The following RAB8B variants were observed in gnomAD, a reference collection of about 807,000 sequenced individuals.
The protein encoded by RAB8B is RAB8B, member RAS oncogene family, also known as ras-related protein Rab-8B.
RAB8B carries 11 observed loss-of-function variants against 32.0 expected under a neutral mutation model. That is an observed-to-expected ratio of 0.34 (90% CI 0.22 to 0.57). The LOEUF (loss-of-function observed/expected upper bound fraction) is 0.57. RAB8B is among the 20% of genes least tolerant of loss of function. The pLI is 0.86. For missense variants in RAB8B, 190 were observed against 258.5 expected, an observed-to-expected ratio of 0.73 and a Z score of 1.82; for synonymous variants, 103 against 89.6, an observed-to-expected ratio of 1.15 and a Z score of -0.85.
chr15:63,216,226 TAA>T lies in RAB8B; in HGVS notation c.124+26479_124+26480del, dbSNP rs1567011914. On this transcript the variant is annotated intron_variant, in intron 1 of 7. Coordinates refer to ENST00000321437, the MANE Select transcript of RAB8B (RefSeq NM_016530.3). ...TTAATTAATTAATTAATTAATTAAT[TAA>T]TTATTATTTTTTTTTTTGGAGACAG... Among the ~76,000 whole-genome samples, 48 of 126,216 alleles carry T rather than the reference TAA, an allele frequency of 3.8e-4. 2 individuals carry two copies. The highest frequency in any genetic ancestry group is 3.9e-3 in the Middle Eastern group (1 of 256). The allele number at this position is 126,216 out of a possible 152,430, so 82.8% of individuals were successfully genotyped here.
Position 63,263,540 on chromosome 15 carries a change from C to T in RAB8B, c.545C>T (p.Ser182Leu), listed in dbSNP as rs2038218916. Residue 182 changes from serine (S) to leucine (L), a missense_variant, in exon 8 of 8, where the codon TCA (serine) becomes TTA (leucine). Physicochemically the swap from Ser to Leu is moderately radical, Grantham distance 145 (BLOSUM62 -2). This residue lies in a region of RAB8B where 110 missense variants were observed against 115.9 expected (regional missense o/e 0.95). Coordinates refer to ENST00000321437, the MANE Select transcript of RAB8B (RefSeq NM_016530.3). ...KLNRKMNDSN[S>L]AGAGGPVKIT... ...TCTATTTTTTAGAATGACAGCAATT[C>T]AGCAGGAGCAGGTGGACCAGTGAAA... 1 of 1,610,944 alleles carries T rather than the reference C, an allele frequency of 6.2e-7. No individual in the cohort carries two copies. Among genetic ancestry groups the T allele is most frequent in the East Asian group, 2.2e-5 (1 of 44,872 alleles).
intron 2 of RAB8B, among the ~76,000 whole-genome samples, chr15:63,246,267 T>A (rs1427096697): frequency 6.6e-6 from 1 of 152,214 alleles, no homozygotes; most frequent in African/African-American, 2.4e-5. Flanking sequence ...TATGGCATCA[T>A]GTTGGCACTC....
intron 1 of RAB8B, among the ~76,000 whole-genome samples, chr15:63,208,462 AT>A (rs566822420): frequency 3.9e-5 from 6 of 151,906 alleles, no homozygotes; most frequent in Admixed American, 6.6e-5. Flanking sequence ...AATTCTTGCT[AT>A]TTTTTTTCTC....
At chr15:63,202,765 T>G (rs35612331) in intron 1 of RAB8B, among the ~76,000 whole-genome samples, 2 of 152,226 alleles carry the variant, frequency 1.3e-5, no homozygotes, top group Non-Finnish European at 2.9e-5. Context: ...TTCTAGCTTT[T>G]GTTTGTAAAA....
At chr15:63,194,735 T>A (rs2037586657) in intron 1 of RAB8B, among the ~76,000 whole-genome samples, 1 of 152,212 alleles carries the variant, frequency 6.6e-6, no homozygotes, top group African/African-American at 2.4e-5. Flanking sequence ...AAATCAGGGG[T>A]TAGCACACTA....
At chr15:63,221,658 C>T (rs2037845645) in intron 1 of RAB8B, among the ~76,000 whole-genome samples, 1 of 152,102 alleles carries the variant, frequency 6.6e-6, no homozygotes, top group South Asian at 2.1e-4. Flanking sequence ...GCTGGGGATC[C>T]CACCACATAG....
intron 1 of RAB8B, among the ~76,000 whole-genome samples, chr15:63,193,643 T>C (rs2037576691): frequency 6.6e-6 from 1 of 151,922 alleles, no homozygotes; most frequent in South Asian, 2.1e-4. Context: ...ACCCCGTCTC[T>C]ACTAAAAAAT....
chr15:63,193,651 A>C (rs1448348293), intron 1 of RAB8B, among the ~76,000 whole-genome samples: 1 of 152,100 alleles, frequency 6.6e-6, no homozygotes, highest in Non-Finnish European at 1.5e-5. Context: ...TCTACTAAAA[A>C]ATACAAAAAA....
intron 1 of RAB8B, among the ~76,000 whole-genome samples, chr15:63,230,195 T>C (rs573075398): frequency 4.6e-5 from 7 of 152,350 alleles, no homozygotes; most frequent in Admixed American, 3.9e-4. Context: ...TCATACACTT[T>C]TGTGGCATTG....
Position 63,219,733 on chromosome 15 carries a change from G to A in RAB8B, c.125-25023G>A, listed in dbSNP as rs370782249. Among the ~76,000 whole-genome samples, 24 of 152,300 alleles carry A rather than the reference G, an allele frequency of 1.6e-4. No individual in the cohort carries two copies. In the East Asian group the frequency reaches 3.7e-3, roughly 23 times the overall value. ...TTTTAGAAAAACCAATTCTATGGAGGCTGTATTTGATCAGACAGATCCCTT... is the reference window on the plus strand; with the variant it reads ...TTTTAGAAAAACCAATTCTATGGAGACTGTATTTGATCAGACAGATCCCTT... On this transcript the variant is annotated intron_variant, in intron 1 of 7. Coordinates refer to ENST00000321437, the MANE Select transcript of RAB8B (RefSeq NM_016530.3).
chr15:63,214,286 C>CTTTTTTTTTT (rs34415858), intron 1 of RAB8B, among the ~76,000 whole-genome samples: 8 of 95,640 alleles, frequency 8.4e-5, no homozygotes, highest in East Asian at 4.8e-4. Flanking sequence ...CAGTTTCTTT[C>CTTTTTTTTTT]TTTTTTTTTT....
In RAB8B at chr15:63,263,706, C is replaced by A; in HGVS notation, c.*87C>A. On this transcript the variant is annotated 3_prime_UTR_variant, in exon 8 of 8. Transcript: ENST00000321437. The stretch of plus-strand genomic sequence containing the variant: ...CAGGTCACCCAGCCTCAGAATCACA[C>A]CTCCCGGCTGCTGCTGAGAGCACCA... The A allele has an allele frequency of 9.3e-7, 1 of 1,069,696 alleles. No individual in the cohort carries two copies. The highest frequency in any genetic ancestry group is 1.3e-5 in the South Asian group (1 of 75,816). The allele number at this position is 1,069,696 out of a possible 1,614,324, so 66.3% of individuals were successfully genotyped here.
intron 1 of RAB8B, among the ~76,000 whole-genome samples, chr15:63,208,591 C>G (rs1398904012): frequency 6.6e-6 from 1 of 152,090 alleles, no homozygotes; most frequent in Non-Finnish European, 1.5e-5. Context: ...TTTACTAATT[C>G]ACAAAATTAA....
chr15:63,212,998 C>A (rs528965455), intron 1 of RAB8B, among the ~76,000 whole-genome samples: 1 of 152,188 alleles, frequency 6.6e-6, no homozygotes, highest in African/African-American at 2.4e-5. Context: ...AAGGCTTTGG[C>A]AGAGGCCTAA....
At chr15:63,255,180 GT>G (rs1454066721) in intron 3 of RAB8B, among the ~76,000 whole-genome samples, 1 of 152,194 alleles carries the variant, frequency 6.6e-6, no homozygotes, top group Non-Finnish European at 1.5e-5. Flanking sequence ...TGTTATCGCT[GT>G]TTTGACTTAA....
intron 1 of RAB8B, among the ~76,000 whole-genome samples, chr15:63,240,806 C>CAAAAAA (rs11312318): frequency 2.6e-5 from 3 of 113,776 alleles, no homozygotes; most frequent in Admixed American, 9.2e-5. Context: ...ATGTTCCTAA[C>CAAAAAA]AAAAAAAAAA....
At chr15:63,226,710 G>A (rs1305294168) in intron 1 of RAB8B, among the ~76,000 whole-genome samples, 1 of 152,134 alleles carries the variant, frequency 6.6e-6, no homozygotes, top group Non-Finnish European at 1.5e-5. Flanking sequence ...ACAGGAAAGG[G>A]GTTCTGATCC....
chr15:63,229,801 A>AAAAAAAAAAAAAAAAAAAAAAAC (rs2037920823), intron 1 of RAB8B, among the ~76,000 whole-genome samples: 1 of 147,270 alleles, frequency 6.8e-6, no homozygotes, highest in Admixed American at 6.9e-5. Context: ...AAAAAAAAAA[A>AAAAAAAAAAAAAAAAAAAAAAAC]AAAAAAAAAG....
At chr15:63,228,629 T>C (rs2037908678) in intron 1 of RAB8B, among the ~76,000 whole-genome samples, 1 of 152,188 alleles carries the variant, frequency 6.6e-6, no homozygotes, top group Non-Finnish European at 1.5e-5. Context: ...AAGAGGAACA[T>C]ATTTGTCTGG....
Sources: allele counts gnomAD v4.1 joint callset (sites outside exome capture counted in the v4.1 genomes callset), GRCh38; gene constraint gnomAD v4.1.1; regional missense constraint gnomAD v4.1.1; transcripts MANE v1.5; gene names NCBI Gene and HGNC (gene_info 2026-07-23, HGNC 2026-07-21).